ANK2: variants seen among roughly 807,000 people sequenced by gnomAD.
The protein encoded by ANK2 is ankyrin-2.
In ANK2, 83 loss-of-function variants were observed where a neutral mutation model predicts 360.5. That is an observed-to-expected ratio of 0.23 (90% CI 0.19 to 0.28). ANK2 has a LOEUF of 0.28. Ranked by LOEUF, ANK2 falls within the 10% of genes least tolerant of loss-of-function variation. The pLI is 1.00. For missense variants in ANK2, 4,201 were observed against 4,795.7 expected, an observed-to-expected ratio of 0.88 and a Z score of 3.66; for synonymous variants, 1,740 against 1,759.5, an observed-to-expected ratio of 0.99 and a Z score of 0.28.
At chr4:113,011,006 C>G (rs927783812) in intron 2 of ANK2, among the ~76,000 whole-genome samples, 2 of 152,066 alleles carry the variant, frequency 1.3e-5, no homozygotes, top group Non-Finnish European at 2.9e-5. Flanking sequence ...TATGACTAGC[C>G]TCACTTCAGA....
chr4:112,767,495 A>G, the ANK2 span, among the ~76,000 whole-genome samples: 2 of 152,068 alleles, frequency 1.3e-5, no homozygotes, highest in Non-Finnish European at 2.9e-5. Flanking sequence ...CAGGAGATCA[A>G]GGTTGCAGTG....
In ANK2 at chr4:113,373,278, A is replaced by G. The variant is rs1564183912; in HGVS notation, c.11695-7A>G. ...AAAATAAGATACACAAATGAAATACATTTCAGGTTACTAGGAAAATCATTA... is the reference window on the plus strand; with the variant it reads ...AAAATAAGATACACAAATGAAATACGTTTCAGGTTACTAGGAAAATCATTA... On this transcript the variant is annotated splice_region_variant and splice_polypyrimidine_tract_variant and intron_variant, in intron 44 of 45. Transcript: ENST00000357077. The G allele has an allele frequency of 6.2e-7, 1 of 1,614,156 alleles. No individual in the cohort carries two copies. Among genetic ancestry groups the G allele is most frequent in the African/African-American group, 1.3e-5 (1 of 75,074 alleles).
In ANK2 at chr4:113,367,795, A is replaced by G. The variant is rs780604005; in HGVS notation, c.11262A>G (p.Ser3754=). ...AGGAGCAAGTTCAACAGGATTTCTC[A>G]GGGAAAATGCAAGACCTGCCTGAAG... The part of the protein sequence containing the change: ...THKEQVQQDF[S]GKMQDLPEES... Residue 3754 remains serine, a synonymous_variant, in exon 42 of 46, where the codon TCA becomes TCG. Transcript: ENST00000357077. 1 of 1,613,238 alleles carries G rather than the reference A, an allele frequency of 6.2e-7. No individual in the cohort carries two copies. Among genetic ancestry groups the G allele is most frequent in the Non-Finnish European group, 8.5e-7 (1 of 1,179,186 alleles).
rs768997753 is a variant in ANK2 at position 113,330,282 on chromosome 4, T to C, written c.2937T>C (p.Gly979=). 12 of 1,614,186 alleles carry C rather than the reference T, an allele frequency of 7.4e-6. No homozygotes were observed. Among genetic ancestry groups the C allele is most frequent in the Non-Finnish European group, 1.0e-5 (12 of 1,180,026 alleles). ...GTTTTATGGTGGATGCCCGAGGTGG[T>C]GCTATGCGAGGATGCAGACACAATG... is the stretch of plus-strand genomic sequence containing the variant. ...LVSFMVDARG[G]AMRGCRHNGL... Residue 979 remains glycine, a synonymous_variant, in exon 27 of 46, where the codon GGT becomes GGC. Transcript: ENST00000357077.
At chr4:112,757,965 G>T in the ANK2 span, among the ~76,000 whole-genome samples, 5 of 145,698 alleles carry the variant, frequency 3.4e-5, no homozygotes, top group South Asian at 1.1e-3. Flanking sequence ...CTGCAACGGC[G>T]CCGTCCTGGC....
upstream of ANK2, among the ~76,000 whole-genome samples, chr4:112,815,939 G>A (rs1427637215): frequency 1.3e-5 from 2 of 152,200 alleles, no homozygotes; most frequent in African/African-American, 4.8e-5. Context: ...GTAATAATAA[G>A]TAAAGTGTTT....
chr4:113,014,099 G>A (rs546943588), intron 2 of ANK2, among the ~76,000 whole-genome samples: 33 of 152,160 alleles, frequency 2.2e-4, no homozygotes, highest in Non-Finnish European at 4.1e-4. Context: ...TTTGCATCAG[G>A]CATGGACTAT....
chr4:113,267,525 G>A (rs2056687698), intron 14 of ANK2, among the ~76,000 whole-genome samples: 1 of 152,158 alleles, frequency 6.6e-6, no homozygotes. Context: ...CCCATTGCTT[G>A]TTTCTGTCAG....
chr4:112,906,539 G>A (rs2085290488), intron 2 of ANK2, among the ~76,000 whole-genome samples: 1 of 152,118 alleles, frequency 6.6e-6, no homozygotes, highest in South Asian at 2.1e-4. Context: ...TGAAAAGGAA[G>A]GAAGTGATGG....
chr4:113,170,655 G>T (rs1270538045), intron 1 of ANK2, among the ~76,000 whole-genome samples: 1 of 152,088 alleles, frequency 6.6e-6, no homozygotes, highest in Non-Finnish European at 1.5e-5. Context: ...GAGCCTTTGG[G>T]TCAGCACTCC....
chr4:113,264,338 C>G (rs2054694950), intron 13 of ANK2, among the ~76,000 whole-genome samples: 1 of 152,076 alleles, frequency 6.6e-6, no homozygotes, highest in Non-Finnish European at 1.5e-5. Context: ...GAAATAGATT[C>G]AAGTTGTGAT....
intron 1 of ANK2, among the ~76,000 whole-genome samples, chr4:113,075,016 A>T (rs2079317400): frequency 1.3e-5 from 2 of 152,322 alleles, no homozygotes; most frequent in African/African-American, 4.8e-5. Context: ...TCAGATGAGC[A>T]GCATTGGCAT....
chr4:113,044,175 A>G (rs1292955016), intron 2 of ANK2, among the ~76,000 whole-genome samples: 2 of 152,162 alleles, frequency 1.3e-5, no homozygotes, highest in Non-Finnish European at 2.9e-5. Context: ...AAACAACACC[A>G]TAATCTCAGT....
intron 10 of ANK2, among the ~76,000 whole-genome samples, chr4:113,255,179 C>A (rs1424423480): frequency 1.3e-5 from 2 of 152,162 alleles, no homozygotes; most frequent in Non-Finnish European, 2.9e-5. Flanking sequence ...CTCTTCTAGC[C>A]CTTACCTACC....
intron 1 of ANK2, among the ~76,000 whole-genome samples, chr4:112,862,934 T>C (rs2068643778): frequency 6.6e-6 from 1 of 152,124 alleles, no homozygotes; most frequent in East Asian, 1.9e-4. Flanking sequence ...TTCAGGAAAC[T>C]CCAGAGTTTG....
At chr4:113,260,833 C>T (rs1358591776) in intron 13 of ANK2, among the ~76,000 whole-genome samples, 2 of 152,178 alleles carry the variant, frequency 1.3e-5, no homozygotes, top group African/African-American at 2.4e-5. Flanking sequence ...AAATTCTTTG[C>T]AAGTTGATGA....
At chr4:112,727,688 C>T in the ANK2 span, among the ~76,000 whole-genome samples, 3 of 152,088 alleles carry the variant, frequency 2.0e-5, no homozygotes, top group African/African-American at 7.2e-5. Context: ...TACAAAGGAT[C>T]GGCTGGGCGC....
upstream of ANK2, among the ~76,000 whole-genome samples, chr4:113,048,480 G>A (rs2065542862): frequency 7.5e-6 from 1 of 133,752 alleles, no homozygotes. Flanking sequence ...TCATCACGTT[G>A]GCCAGGCTGT....
chr4:113,026,275 A>G (rs1016313817), intron 2 of ANK2, among the ~76,000 whole-genome samples: 1 of 152,154 alleles, frequency 6.6e-6, no homozygotes, highest in Non-Finnish European at 1.5e-5. Flanking sequence ...AGATTTTTAT[A>G]TGAGATCTCC....
Sources: allele counts gnomAD v4.1 joint callset (sites outside exome capture counted in the v4.1 genomes callset), GRCh38; gene constraint gnomAD v4.1.1; transcripts MANE v1.5; gene names NCBI Gene and HGNC (gene_info 2026-07-23, HGNC 2026-07-21).